The following CLYBL variants were observed in gnomAD, a reference collection of about 807,000 sequenced individuals.
CLYBL encodes the protein citramalyl-CoA lyase.
A neutral mutation model predicts 38.9 loss-of-function variants in CLYBL; 31 were observed. The observed-to-expected ratio is 0.80, with a 90% confidence interval of 0.60 to 1.08. The LOEUF (loss-of-function observed/expected upper bound fraction) is 1.08, where lower values mean the gene tolerates loss of function less well. CLYBL is among the 50% of genes least tolerant of loss of function. The pLI, the probability that CLYBL is intolerant of heterozygous loss-of-function variation, is 0.00. For missense variants in CLYBL, 434 were observed against 411.6 expected (o/e 1.05, Z -0.47); for synonymous variants, 171 against 158.6 (o/e 1.08, Z -0.59).
chr13:99,780,575 G>T (rs1372168079), intron 2 of CLYBL, among the ~76,000 whole-genome samples: 3 of 151,160 alleles, frequency 2.0e-5, no homozygotes, highest in Non-Finnish European at 4.4e-5. Flanking sequence ...GCAGAGATGG[G>T]GTTTCACCAT....
intron 1 of CLYBL, among the ~76,000 whole-genome samples, chr13:99,730,325 G>C (rs185127881): frequency 7.2e-5 from 11 of 152,362 alleles, no homozygotes; most frequent in Admixed American, 6.5e-4. Context: ...CAGCCTGCAA[G>C]TGCACTGAGG....
At chr13:99,834,700 T>C (rs1315736319) in intron 2 of CLYBL, among the ~76,000 whole-genome samples, 1 of 152,196 alleles carries the variant, frequency 6.6e-6, no homozygotes, top group Non-Finnish European at 1.5e-5. Flanking sequence ...ACACAGGATG[T>C]TCTCGGTCCT....
chr13:99,812,266 A>G (rs1319340727), intron 2 of CLYBL, among the ~76,000 whole-genome samples: 1 of 152,200 alleles, frequency 6.6e-6, no homozygotes, highest in Non-Finnish European at 1.5e-5. Context: ...GCACACTCCT[A>G]TTGTTATGGG....
At chr13:99,841,974 C>T (rs2051094476) in intron 2 of CLYBL, among the ~76,000 whole-genome samples, 1 of 151,912 alleles carries the variant, frequency 6.6e-6, no homozygotes, top group African/African-American at 2.4e-5. Context: ...CACCACCACA[C>T]CCAGGGCTAA....
chr13:99,667,336 G>A (rs1160003112), intron 1 of CLYBL, among the ~76,000 whole-genome samples: 8 of 151,654 alleles, frequency 5.3e-5, no homozygotes, highest in Non-Finnish European at 1.0e-4. Flanking sequence ...TAAATCTGCT[G>A]TAAGCTTGCA....
chr13:99,901,305 T>C (rs2052639559), downstream of CLYBL, among the ~76,000 whole-genome samples: 1 of 152,076 alleles, frequency 6.6e-6, no homozygotes, highest in Non-Finnish European at 1.5e-5. Context: ...CCCTTACAAT[T>C]CCAAAAGCAA....
intron 1 of CLYBL, among the ~76,000 whole-genome samples, chr13:99,717,046 C>T (rs898472125): frequency 2.0e-5 from 3 of 151,974 alleles, no homozygotes; most frequent in African/African-American, 4.8e-5. Context: ...CCACCTTGGC[C>T]TCGCAAAGAG....
chr13:99,800,196 G>T (rs759243843), intron 2 of CLYBL, among the ~76,000 whole-genome samples: 4 of 152,164 alleles, frequency 2.6e-5, no homozygotes, highest in Non-Finnish European at 4.4e-5. Context: ...TGGAGTCTGG[G>T]GCTCAGGGCC....
chr13:99,862,141 G>A (rs1031024132), intron 3 of CLYBL, among the ~76,000 whole-genome samples: 1 of 152,066 alleles, frequency 6.6e-6, no homozygotes, highest in Non-Finnish European at 1.5e-5. Context: ...TCTATTAATG[G>A]CTGAATATTC....
intron 2 of CLYBL, among the ~76,000 whole-genome samples, chr13:99,790,380 T>C (rs1566328270): frequency 6.6e-6 from 1 of 152,230 alleles, no homozygotes; most frequent in Non-Finnish European, 1.5e-5. Flanking sequence ...GGAGCTCTTT[T>C]AGGGCAGGCC....
At chr13:99,895,535 G>C (rs931139388), downstream of CLYBL, 14 of 152,250 alleles carry the variant, frequency 9.2e-5, no homozygotes, top group Non-Finnish European at 1.6e-4. Flanking sequence ...TTTCCGCGCT[G>C]TCTTTCCCGC....
chr13:99,677,486 CTG>C (rs571872616), intron 1 of CLYBL, among the ~76,000 whole-genome samples: 195 of 152,210 alleles, frequency 1.3e-3, no homozygotes, highest in African/African-American at 4.6e-3. Context: ...GTGTCTGTGT[CTG>C]TGTGTGTTTT....
At position 99,748,218 on chromosome 13, in the gene CLYBL, A is replaced by G. The variant is rs532886546; in HGVS notation, c.63-24606A>G. On this transcript the variant is annotated intron_variant, in intron 1 of 8. Coordinates refer to ENST00000339105, the MANE Select transcript of CLYBL (RefSeq NM_206808.5). ...AACATGGCAAAACCCCAACTCTACT[A>G]AAAATACAAAAATTAGCCAGGCATG... Among the ~76,000 whole-genome samples, 175 of 152,010 alleles carry G rather than the reference A, an allele frequency of 1.2e-3. 1 individual carries two copies. The highest frequency in any genetic ancestry group is 2.9e-3 in the South Asian group (14 of 4,808).
chr13:99,735,455 C>T (rs1594148497), intron 1 of CLYBL, among the ~76,000 whole-genome samples: 1 of 150,666 alleles, frequency 6.6e-6, no homozygotes, highest in African/African-American at 2.4e-5. Flanking sequence ...CTCAGCCTCC[C>T]AAAGTGCTGG....
At chr13:99,796,144 C>T (rs2050017506) in intron 2 of CLYBL, among the ~76,000 whole-genome samples, 1 of 152,192 alleles carries the variant, frequency 6.6e-6, no homozygotes, top group African/African-American at 2.4e-5. Flanking sequence ...GACCTAGGAA[C>T]TTCTACTGGT....
At chr13:99,846,059 T>TG (rs1348331739) in intron 2 of CLYBL, among the ~76,000 whole-genome samples, 1 of 150,754 alleles carries the variant, frequency 6.6e-6, no homozygotes, top group Non-Finnish European at 1.5e-5. Flanking sequence ...AAAAAATAAA[T>TG]GGGGGAGCAT....
chr13:99,750,099 G>A (rs1237317258), intron 1 of CLYBL, among the ~76,000 whole-genome samples: 3 of 152,132 alleles, frequency 2.0e-5, no homozygotes, highest in African/African-American at 4.8e-5. Context: ...ATTGCCAGAC[G>A]AGGTCAGACC....
chr13:99,677,776 A>G (rs2047675138), intron 1 of CLYBL, among the ~76,000 whole-genome samples: 1 of 152,230 alleles, frequency 6.6e-6, no homozygotes, highest in African/African-American at 2.4e-5. Context: ...GCAAAATTTA[A>G]TGGCTACTGT....
chr13:99,830,634 C>A (rs145947487), intron 2 of CLYBL, among the ~76,000 whole-genome samples: 6 of 152,144 alleles, frequency 3.9e-5, no homozygotes, highest in African/African-American at 1.4e-4. Context: ...CACAGTGACA[C>A]CCCTAGAGAT....
Sources: gnomAD v4.1 joint callset for allele counts (sites outside exome capture counted in the v4.1 genomes callset) on GRCh38, gnomAD v4.1.1 for gene constraint, MANE v1.5 for transcripts, NCBI Gene and HGNC (gene_info 2026-07-23, HGNC 2026-07-21) for gene names.